Variants in SKOR1 observed in about 807,000 individuals in gnomAD.
SKOR1 encodes SKI family transcriptional corepressor 1, also known as LBX1 corepressor 1.
A neutral mutation model predicts 72.4 loss-of-function variants in SKOR1; 38 were observed. The ratio of observed to expected loss-of-function variants is 0.52; its 90% CI spans 0.40 to 0.69. SKOR1 has a LOEUF of 0.69. Ranked by LOEUF, SKOR1 falls within the 30% of genes least tolerant of loss-of-function variation. SKOR1 has a pLI of 0.00. For missense variants in SKOR1, 1,320 were observed against 1,343.2 expected (o/e 0.98, Z 0.27); for synonymous variants, 642 against 599.4 (o/e 1.07, Z -1.04).
At chr15:67,830,761 TC>T in intron 4 of SKOR1, 56 bp from the exon 5 acceptor site, 2 of 1,566,838 alleles carry the variant, frequency 1.3e-6, no homozygotes, top group Non-Finnish European at 1.8e-6. Flanking sequence ...AGCTCACCCC[TC>T]CCCTCTCAAG....
chr15:67,831,912 GAGGTCGGGGCCGGGGC>G (rs2091011151), intron 5 of SKOR1, among the ~76,000 whole-genome samples: 3 of 142,798 alleles, frequency 2.1e-5, no homozygotes, highest in African/African-American at 8.2e-5. Flanking sequence ...GCGGGGGGGG[GAGGTCGGGGCCGGGGC>G]GGGGGCGGGG....
rs1213384328 is a variant in SKOR1, at chr15:67,825,892, C to A, written c.108-44C>A. 9.3e-6 allele frequency: 14 copies of A among 1,509,456 alleles called. No individual in the cohort carries two copies. The African/African-American group carries it at 1.5e-4, about 17-fold the overall frequency. The allele number at this position is 1,509,456 out of a possible 1,614,324, so 93.5% of individuals were successfully genotyped here. ...GGGCGGGCCCGAGCCTCGGCGGCGG[C>A]GCTGAAAATGGCTCATCTGCTCTCT... On this transcript the variant is annotated intron_variant, in intron 1 of 8. Coordinates refer to ENST00000380035, the MANE Select transcript of SKOR1 (RefSeq NM_001365915.1). This position sits in a 1 kb window ranked among gnomAD's most constrained non-coding sequence, Gnocchi z 5.6.
chr15:67,834,028 C>G lies in SKOR1; in HGVS notation c.*192C>G. 1.6e-6 allele frequency: 1 copy of G among 642,848 alleles called. No homozygotes were observed. The highest frequency in any genetic ancestry group is 2.8e-6 in the Non-Finnish European group (1 of 362,630). 39.8% of individuals were successfully genotyped at this position (642,848 alleles called of 1,614,324 possible). ...TCCCGGGCGTCCCTGTCCAGGGCCC[C>G]GGCTTGGTTTCCAAGTGTAAATACC... On this transcript the variant is annotated 3_prime_UTR_variant, in exon 9 of 9. Transcript: ENST00000380035. This position sits in a 1 kb window ranked among gnomAD's most constrained non-coding sequence, Gnocchi z 5.8.
chr15:67,827,512 C>T lies in SKOR1; in HGVS notation c.1684C>T (p.Leu562=). Reference sequence around the variant, plus strand: ...CCCGAGCGCTCTGTCCCGCGGGCCCCTGGACGAAGACGGCACGGACGAGGC... The same window carrying T: ...CCCGAGCGCTCTGTCCCGCGGGCCCTTGGACGAAGACGGCACGGACGAGGC... The part of the protein sequence containing the change: ...RCPSALSRGP[L]DEDGTDEALP... Residue 562 remains leucine, a synonymous_variant, in exon 2 of 9, where the codon CTG becomes TTG. Transcript: ENST00000380035. 2.6e-6 allele frequency: 4 copies of T among 1,523,854 alleles called. No individual in the cohort carries two copies. The highest frequency in any genetic ancestry group is 3.5e-6 in the Non-Finnish European group (4 of 1,142,660). 94.4% of individuals were successfully genotyped at this position (1,523,854 alleles called of 1,614,324 possible).
chr15:67,827,171 C>CG lies in SKOR1; in HGVS notation c.1348dup (p.Ala450GlyfsTer158). 1 of 1,344,526 alleles carries CG rather than the reference C, an allele frequency of 7.4e-7. No homozygotes were observed. Among genetic ancestry groups the CG allele is most frequent in the African/African-American group, 1.5e-5 (1 of 64,790 alleles). 83.3% of individuals were successfully genotyped at this position (1,344,526 alleles called of 1,614,324 possible). A position where few individuals can be genotyped will look rare whatever the true frequency, so the allele number is the denominator to read the frequency against. ...GGCCCGGGAGCCAGCCACTTGCCCC[C>CG]GGGGGCAGGGGCGGGCCCGGGCGGC... is the stretch of plus-strand genomic sequence containing the variant. On this transcript the variant is annotated frameshift_variant, in exon 2 of 9. Coordinates refer to ENST00000380035, the MANE Select transcript of SKOR1 (RefSeq NM_001365915.1). LOFTEE classifies it high-confidence loss of function.
At chr15:67,829,747 G>A (rs2090993712) in intron 3 of SKOR1, among the ~76,000 whole-genome samples, 1 of 152,246 alleles carries the variant, frequency 6.6e-6, no homozygotes, top group Admixed American at 6.5e-5. Context: ...TCCTCACAGA[G>A]GAGGGGTTGG....
rs1311317096 is a variant in SKOR1 at position 67,826,953 on chromosome 15, C to T, written c.1125C>T (p.Ile375=). The change falls in exon 2 of 9, where the codon ATC becomes ATT. Residue 375 remains isoleucine (I), a synonymous_variant. Coordinates refer to ENST00000380035, the MANE Select transcript of SKOR1 (RefSeq NM_001365915.1). ...GGAGVRSYPV[I]PVPSKGFGLL... ...CCGGCGTACGAAGCTACCCGGTGATCCCGGTGCCCAGCAAAGGCTTTGGGC... is the reference window on the plus strand; with the variant it reads ...CCGGCGTACGAAGCTACCCGGTGATTCCGGTGCCCAGCAAAGGCTTTGGGC... The T allele has an allele frequency of 5.0e-6, 8 of 1,592,814 alleles. No individual in the cohort carries two copies. Among genetic ancestry groups the T allele is most frequent in the African/African-American group, 1.3e-5 (1 of 74,402 alleles).
In SKOR1 at chr15:67,827,886, G is replaced by A; in HGVS notation, c.2058G>A (p.Gly686=). 1 of 1,600,352 alleles carries A rather than the reference G, an allele frequency of 6.2e-7. No individual in the cohort carries two copies. Among genetic ancestry groups the A allele is most frequent in the Non-Finnish European group, 8.5e-7 (1 of 1,174,450 alleles). ...EETEPSAPSA[G]GGPDGEQPTG... ...CCGAGCCCAGCGCACCCAGCGCAGG[G>A]GGCGGCCCAGACGGTGAACAGCCCA... Residue 686 remains glycine (G), a synonymous_variant, in exon 2 of 9, where the codon GGG becomes GGA. Transcript: ENST00000380035.
chr15:67,827,618 C>A lies in SKOR1; in HGVS notation c.1790C>A (p.Pro597Gln), dbSNP rs754823284. 1 of 1,529,016 alleles carries A rather than the reference C, an allele frequency of 6.5e-7. No homozygotes were observed. The highest frequency in any genetic ancestry group is 8.7e-7 in the Non-Finnish European group (1 of 1,144,230). 94.7% of individuals were successfully genotyped at this position (1,529,016 alleles called of 1,614,324 possible). ...GGCTCCTACGTGTCGGCCTTCCGGCCGGTGGTCAAGGACACCGAGAGCATC... is the reference window on the plus strand; with the variant it reads ...GGCTCCTACGTGTCGGCCTTCCGGCAGGTGGTCAAGGACACCGAGAGCATC... ...RKGSYVSAFR[P>Q]VVKDTESIAK... The change falls in exon 2 of 9, where the codon CCG (proline) becomes CAG (glutamine). Residue 597 changes from proline to glutamine, a missense_variant. Pro to Gln is a moderately conservative substitution (Grantham distance 76). This residue lies in a region of SKOR1 where 1,099 missense variants were observed against 1,025.5 expected (regional missense o/e 1.07). Coordinates refer to ENST00000380035, the MANE Select transcript of SKOR1 (RefSeq NM_001365915.1).
Position 67,833,964 on chromosome 15 carries a change from C to T in SKOR1, c.*128C>T, listed in dbSNP as rs1008080002. On this transcript the variant is annotated 3_prime_UTR_variant, in exon 9 of 9. Coordinates refer to ENST00000380035, the MANE Select transcript of SKOR1 (RefSeq NM_001365915.1). The surrounding 1 kb of genome is among the most constrained non-coding windows in gnomAD (Gnocchi z 6.0). ...CGATGTAAATACAGCCGCCCGTCCGCCCGCCTTCCTCCCGGGCTCCCCGGC... is the reference window on the plus strand; with the variant it reads ...CGATGTAAATACAGCCGCCCGTCCGTCCGCCTTCCTCCCGGGCTCCCCGGC... The T allele has an allele frequency of 1.3e-5, 13 of 1,038,552 alleles. No individual in the cohort carries two copies. Among genetic ancestry groups the T allele is most frequent in the Non-Finnish European group, 1.6e-5 (11 of 691,218 alleles). The allele number at this position is 1,038,552 out of a possible 1,614,324, so 64.3% of individuals were successfully genotyped here.
In SKOR1 at chr15:67,827,576, C is replaced by A. The variant is rs1020579940; in HGVS notation, c.1748C>A (p.Pro583Gln). 7.9e-5 allele frequency: 120 copies of A among 1,522,084 alleles called. No homozygotes were observed. The highest frequency in any genetic ancestry group is 1.0e-4 in the Non-Finnish European group (119 of 1,142,012). 94.3% of individuals were successfully genotyped at this position (1,522,084 alleles called of 1,614,324 possible). The change falls in exon 2 of 9, where the codon CCG (proline) becomes CAG (glutamine). Residue 583 changes from proline (P) to glutamine (Q), a missense_variant. Physicochemically the swap from Pro to Gln is moderately conservative, Grantham distance 76 (BLOSUM62 -1). Around this residue, in one of 3 missense-constraint regions of SKOR1, gnomAD observed 1,099 missense variants for 1,025.5 expected, o/e 1.07. Coordinates refer to ENST00000380035, the MANE Select transcript of SKOR1 (RefSeq NM_001365915.1). The part of the protein sequence containing the change: ...PPLAPLPPPP[P>Q]PPARKGSYVS... ...CTGGCCCCGTTGCCCCCGCCGCCCC[C>A]GCCGCCCGCACGCAAAGGCTCCTAC...
In SKOR1 at chr15:67,826,807, C is replaced by A. The variant is rs1377491034; in HGVS notation, c.979C>A (p.Arg327Ser). The change falls in exon 2 of 9, where the codon CGC becomes AGC. Residue 327 changes from arginine to serine, a missense_variant. Transcript: ENST00000380035. ...APGPPPHKSL[R>S]CGEDEAAGPP... ...AGGCCCGCCGCCCCACAAAAGCCTG[C>A]GCTGTGGCGAAGATGAGGCTGCCGG... The A allele has an allele frequency of 1.3e-6, 2 of 1,530,496 alleles. No individual in the cohort carries two copies. Among genetic ancestry groups the A allele is most frequent in the East Asian group, 2.5e-5 (1 of 40,642 alleles). The allele number at this position is 1,530,496 out of a possible 1,614,324, so 94.8% of individuals were successfully genotyped here.
intron 2 of SKOR1, among the ~76,000 whole-genome samples, chr15:67,828,773 G>A (rs900538269): frequency 1.3e-5 from 2 of 152,176 alleles, no homozygotes; most frequent in Admixed American, 1.3e-4. Context: ...GGCTGGAGTC[G>A]TTGGCCATTT....
Position 67,828,076 on chromosome 15 carries a change from C to T in SKOR1, c.2248C>T (p.Pro750Ser), listed in dbSNP as rs1015169815. ...DLVRRPERSP[P>S]SGGGGYELRE... ...GGTGCGGAGACCTGAGAGGAGCCCG[C>T]CAAGCGGCGGCGGCGGCTACGAGCT... Residue 750 changes from proline to serine, a missense_variant, in exon 2 of 9, where the codon CCA (proline) becomes TCA (serine). Transcript: ENST00000380035. 2.7e-5 allele frequency: 42 copies of T among 1,527,770 alleles called. No homozygotes were observed. The highest frequency in any genetic ancestry group is 4.3e-5 in the African/African-American group (3 of 70,520). The allele number at this position is 1,527,770 out of a possible 1,614,324, so 94.6% of individuals were successfully genotyped here. A position where few individuals can be genotyped will look rare whatever the true frequency, so the allele number is the denominator to read the frequency against.
chr15:67,825,822 C>T lies in SKOR1; in HGVS notation c.107+113C>T. On this transcript the variant is annotated intron_variant, in intron 1 of 8. Transcript: ENST00000380035. The surrounding 1 kb of genome is among the most constrained non-coding windows in gnomAD (Gnocchi z 5.6). ...CAGGGGGTGAATGAGTTTGGACTCCCCACTGCCAAGTATCCCCCGCGCGCC... is the reference window on the plus strand; with the variant it reads ...CAGGGGGTGAATGAGTTTGGACTCCTCACTGCCAAGTATCCCCCGCGCGCC... 6.6e-7 allele frequency: 1 copy of T among 1,525,706 alleles called. No individual in the cohort carries two copies. The highest frequency in any genetic ancestry group is 8.8e-7 in the Non-Finnish European group (1 of 1,138,872). The allele number at this position is 1,525,706 out of a possible 1,614,324, so 94.5% of individuals were successfully genotyped here.
In SKOR1 at chr15:67,829,168, G is replaced by A; in HGVS notation, c.2317-11G>A. On this transcript the variant is annotated splice_polypyrimidine_tract_variant and intron_variant, in intron 2 of 8. Transcript: ENST00000380035. ...CCACCCTAATCGCCTGTCATTTCTC[G>A]GCCGTCGCAGGTGTTCGCGCCCGAG... 6.5e-7 allele frequency: 1 copy of A among 1,537,916 alleles called. No individual in the cohort carries two copies. Among genetic ancestry groups the A allele is most frequent in the Non-Finnish European group, 8.7e-7 (1 of 1,145,966 alleles).
Position 67,827,227 on chromosome 15 carries a change from G to A in SKOR1, c.1399G>A (p.Gly467Arg), listed in dbSNP as rs775214222. 1 of 1,564,730 alleles carries A rather than the reference G, an allele frequency of 6.4e-7. No homozygotes were observed. The highest frequency in any genetic ancestry group is 1.1e-5 in the South Asian group (1 of 87,436). Residue 467 changes from glycine (G) to arginine (R), a missense_variant, in exon 2 of 9, where the codon GGG becomes AGG. Transcript: ENST00000380035. ...CATGTTCTGGGGGCATCAACCCTCC[G>A]GGGCAGCCAAGGACGCAGCGGCAGT... ...GAMFWGHQPS[G>R]AAKDAAAVAA...
In SKOR1 at chr15:67,830,192, G is replaced by A; in HGVS notation, c.2409G>A (p.Glu803=). 6.2e-7 allele frequency: 1 copy of A among 1,614,100 alleles called. No homozygotes were observed. Among genetic ancestry groups the A allele is most frequent in the Non-Finnish European group, 8.5e-7 (1 of 1,180,008 alleles). The change falls in exon 4 of 9, where the codon GAG becomes GAA. Residue 803 remains glutamate (E), a splice_region_variant and synonymous_variant. Coordinates refer to ENST00000380035, the MANE Select transcript of SKOR1 (RefSeq NM_001365915.1). ...GAAATTCGGTTTGTTGCCTTCAAGAGCCAGATAAGGAAGACAATCACTCGC... is the reference window on the plus strand; with the variant it reads ...GAAATTCGGTTTGTTGCCTTCAAGAACCAGATAAGGAAGACAATCACTCGC... ...ASYVCTPEAH[E]PDKEDNHSPA...
In SKOR1 at chr15:67,827,684, G is replaced by A. The variant is rs1227394622; in HGVS notation, c.1856G>A (p.Gly619Glu). 2.6e-6 allele frequency: 4 copies of A among 1,535,284 alleles called. No homozygotes were observed. In the South Asian group the frequency reaches 4.9e-5, roughly 19 times the overall value. Residue 619 changes from glycine to glutamate, a missense_variant, in exon 2 of 9, where the codon GGG becomes GAG. This residue lies in a region of SKOR1 where 1,099 missense variants were observed against 1,025.5 expected (regional missense o/e 1.07). Transcript: ENST00000380035. ...YGSAREAYGA[G>E]PARGPGPGAG... ...AGCGCCCGGGAGGCGTACGGCGCGG[G>A]GCCTGCTCGGGGGCCGGGACCCGGC...
Sources: allele counts gnomAD v4.1 joint callset (sites outside exome capture counted in the v4.1 genomes callset), GRCh38; gene constraint gnomAD v4.1.1; regional missense constraint gnomAD v4.1.1; non-coding constraint Gnocchi (gnomAD v3.1); transcripts MANE v1.5; gene names NCBI Gene and HGNC (gene_info 2026-07-23, HGNC 2026-07-21).